The following PSORS1C1 variants were observed in gnomAD, a reference collection of about 807,000 sequenced individuals.
PSORS1C1 encodes psoriasis susceptibility 1 candidate 1.
A neutral mutation model predicts 9.4 loss-of-function variants in PSORS1C1; 7 were observed. The ratio of observed to expected loss-of-function variants is 0.75; its 90% CI spans 0.42 to 1.40. The LOEUF is 1.40. PSORS1C1 is among the 40% of genes most tolerant of loss of function. The probability of loss-of-function intolerance (pLI) is 0.01; values close to 1 mark genes in which losing one functional copy is unlikely to be tolerated. For missense variants in PSORS1C1, 146 were observed against 178.1 expected (o/e 0.82, Z 1.02); for synonymous variants, 63 against 69.4 (o/e 0.91, Z 0.46).
chr6:31,125,367 T>A (rs1772633625), intron 1 of PSORS1C1, among the ~76,000 whole-genome samples: 1 of 151,980 alleles, frequency 6.6e-6, no homozygotes, highest in African/African-American at 2.4e-5. Context: ...AACACCCTCC[T>A]CTCCTTGGCG....
At position 31,120,407 on chromosome 6, in the gene PSORS1C1, G is replaced by A. The variant is rs771299175; in HGVS notation, c.-228-5269G>A. 19 of 1,588,434 alleles carry A rather than the reference G, an allele frequency of 1.2e-5. No homozygotes were observed. In the South Asian group the frequency reaches 1.3e-4, roughly 11 times the overall value. Reference sequence around the variant, plus strand: ...CCCACACGCCCCATCCAGGGTGCCCGAGACGAGCCCATCTCGGACTGCACG... The same window carrying A: ...CCCACACGCCCCATCCAGGGTGCCCAAGACGAGCCCATCTCGGACTGCACG... On this transcript the variant is annotated intron_variant, in intron 1 of 5. Transcript: ENST00000259881.
At chr6:31,133,976 T>G (rs535559045) in intron 3 of PSORS1C1, among the ~76,000 whole-genome samples, 1 of 152,268 alleles carries the variant, frequency 6.6e-6, no homozygotes, top group East Asian at 1.9e-4. Context: ...ACATGTAGTT[T>G]TTTTTTGTTT....
At chr6:31,129,452 G>A in intron 2 of PSORS1C1, 117 bp from the exon 3 acceptor site, 1 of 632,928 alleles carries the variant, frequency 1.6e-6, no homozygotes, top group East Asian at 2.7e-5. Context: ...CTCCTCCCCA[G>A]CTAATGAAGA....
At chr6:31,135,981 G>A (rs940539273) in intron 3 of PSORS1C1, among the ~76,000 whole-genome samples, 9 of 152,182 alleles carry the variant, frequency 5.9e-5, no homozygotes, top group Non-Finnish European at 1.3e-4. Context: ...TTGAGCCCAG[G>A]AGGTTGAAGC....
Position 31,116,969 on chromosome 6 carries a change from G to C in PSORS1C1, c.-229+2078G>C, listed in dbSNP as rs749498091. Reference sequence around the variant, plus strand: ...TCGGGGATGTCCGAACTACAGGGACGCTGGTTGGAGCTGACGCTTTGGCCA... The same window carrying C: ...TCGGGGATGTCCGAACTACAGGGACCCTGGTTGGAGCTGACGCTTTGGCCA... On this transcript the variant is annotated intron_variant, in intron 1 of 5. Coordinates refer to ENST00000259881, the MANE Select transcript of PSORS1C1 (RefSeq NM_014068.3). The C allele has an allele frequency of 2.7e-5, 44 of 1,614,198 alleles. No homozygotes were observed. Among genetic ancestry groups the C allele is most frequent in the Non-Finnish European group, 3.6e-5 (42 of 1,180,036 alleles).
At chr6:31,136,839 G>A (rs777053940) in intron 3 of PSORS1C1, among the ~76,000 whole-genome samples, 1 of 152,198 alleles carries the variant, frequency 6.6e-6, no homozygotes, top group Admixed American at 6.5e-5. Flanking sequence ...CTGTGAAGAG[G>A]GCATCCTAAT....
chr6:31,117,382 A>G, intron 1 of PSORS1C1: 10 of 1,572,170 alleles, frequency 6.4e-6, no homozygotes, highest in Non-Finnish European at 8.6e-6. Context: ...GGCACTGGAA[A>G]TGGAGCTGCC....
At chr6:31,117,321 G>C (rs781385440) in intron 1 of PSORS1C1, 2 of 1,583,226 alleles carry the variant, frequency 1.3e-6, no homozygotes, top group South Asian at 2.3e-5. Context: ...AACCACCCTG[G>C]GCAATGCTGG....
intron 1 of PSORS1C1, chr6:31,120,339 CAGG>C (rs1772386391): frequency 2.5e-6 from 4 of 1,579,854 alleles, no homozygotes; most frequent in Non-Finnish European, 3.4e-6. Flanking sequence ...TCCTACCTGG[CAGG>C]AGGAGACCAG....
At chr6:31,117,837 G>A (rs927057161) in intron 1 of PSORS1C1, 3 of 390,902 alleles carry the variant, frequency 7.7e-6, no homozygotes, top group Non-Finnish European at 1.4e-5. Flanking sequence ...AGTGGCTCAC[G>A]CCGGTAATCC....
intron 1 of PSORS1C1, among the ~76,000 whole-genome samples, chr6:31,120,903 C>T (rs1772426725): frequency 6.7e-6 from 1 of 149,360 alleles, no homozygotes; most frequent in Non-Finnish European, 1.5e-5. Context: ...CACCCAACCC[C>T]AATGAGGTCC....
chr6:31,117,364 G>A (rs770325200), intron 1 of PSORS1C1: 1 of 1,576,400 alleles, frequency 6.3e-7, no homozygotes, highest in Non-Finnish European at 8.6e-7. Flanking sequence ...GCCACCACCA[G>A]AGCTTCTGGC....
At chr6:31,116,421 G>A (rs1400298203) in intron 1 of PSORS1C1, 5 of 1,591,774 alleles carry the variant, frequency 3.1e-6, no homozygotes, top group Non-Finnish European at 4.3e-6. Context: ...AACTGCTGGG[G>A]ACTCGAGAAC....
rs192808857 is a variant in PSORS1C1 at position 31,133,358 on chromosome 6, C to T, written c.13+3713C>T. ...GAAATGCAGCTGGTTTGGGAGAGGA[C>T]GGCCATTCCAGACATAGGGAACAGC... On this transcript the variant is annotated intron_variant, in intron 3 of 5. Transcript: ENST00000259881. Among the ~76,000 whole-genome samples the T allele has an allele frequency of 9.3e-3, 1,304 of 140,592 alleles. 8 individuals carry two copies. The highest frequency in any genetic ancestry group is 0.03 in the Middle Eastern group (8 of 266). The allele number at this position is 140,592 out of a possible 152,430, so 92.2% of individuals were successfully genotyped here. A position where few individuals can be genotyped will look rare whatever the true frequency, so the allele number is the denominator to read the frequency against.
chr6:31,138,111 G>A, intron 3 of PSORS1C1: 2 of 1,603,868 alleles, frequency 1.2e-6, no homozygotes, highest in Non-Finnish European at 1.7e-6. Context: ...AGGCGGTTCA[G>A]GGAGCCAGAC....
chr6:31,135,299 C>A (rs1773093908), intron 3 of PSORS1C1, among the ~76,000 whole-genome samples: 1 of 152,048 alleles, frequency 6.6e-6, no homozygotes, highest in Non-Finnish European at 1.5e-5. Flanking sequence ...TGCAGTGGTG[C>A]GATCTCGGCT....
chr6:31,126,868 C>T (rs1411418823), intron 2 of PSORS1C1, among the ~76,000 whole-genome samples: 1 of 152,142 alleles, frequency 6.6e-6, no homozygotes, highest in Non-Finnish European at 1.5e-5. Context: ...CCGAAGCCTT[C>T]CTGGCTGTTT....
intron 1 of PSORS1C1, among the ~76,000 whole-genome samples, chr6:31,121,173 T>TG (rs28383830): frequency 0.021 from 2,806 of 130,532 alleles, 72 homozygotes; most frequent in East Asian, 0.14. Context: ...GTGGCGGGGG[T>TG]GGGGGGGTGC....
At chr6:31,130,068 G>A (rs1772838050) in intron 3 of PSORS1C1, among the ~76,000 whole-genome samples, 1 of 151,922 alleles carries the variant, frequency 6.6e-6, no homozygotes, top group Admixed American at 6.6e-5. Flanking sequence ...GTCCAGCCTG[G>A]GCGACAGAGC....
Sources: allele counts gnomAD v4.1 joint callset (sites outside exome capture counted in the v4.1 genomes callset), GRCh38; gene constraint gnomAD v4.1.1; transcripts MANE v1.5; gene names NCBI Gene and HGNC (gene_info 2026-07-23, HGNC 2026-07-21).